Variants in PTPN11 observed in about 807,000 individuals in gnomAD.
The protein encoded by PTPN11 is tyrosine-protein phosphatase non-receptor type 11.
In PTPN11, 6 loss-of-function variants were observed where a neutral mutation model predicts 78.8. The observed-to-expected ratio is 0.08, with a 90% CI of 0.04 to 0.15. The LOEUF (loss-of-function observed/expected upper bound fraction) is 0.15, where lower values mean the gene tolerates loss of function less well. Among genes scored for constraint, PTPN11 ranks in the 10% least tolerant of loss-of-function variants. PTPN11 has a pLI of 1.00. For missense variants in PTPN11, 386 were observed against 744.8 expected (o/e 0.52, Z 5.61); for synonymous variants, 221 against 263.5 (o/e 0.84, Z 1.56).
intron 14 of PTPN11, among the ~76,000 whole-genome samples, chr12:112,503,795 T>A (rs1281786989): frequency 1.3e-5 from 2 of 152,132 alleles, no homozygotes; most frequent in Non-Finnish European, 2.9e-5. Context: ...AGATCCAGGA[T>A]ACACTGGTCC....
chr12:112,455,177 A>T (rs983864901), intron 5 of PTPN11, among the ~76,000 whole-genome samples: 19 of 150,976 alleles, frequency 1.3e-4, no homozygotes, highest in Middle Eastern at 3.4e-3. Context: ...ACTTGGAAAC[A>T]TATTCCAGAT....
intron 15 of PTPN11, among the ~76,000 whole-genome samples, 169 bp from the exon 16 acceptor site, chr12:112,505,656 C>CAAAA (rs1191524369): frequency 5.4e-5 from 2 of 36,734 alleles, no homozygotes; most frequent in Non-Finnish European, 1.3e-4. Context: ...AACTCCATCT[C>CAAAA]AAAAAAAAAA....
Position 112,467,395 on chromosome 12 carries a change from G to A in PTPN11, c.757-5549G>A, listed in dbSNP as rs1019717190. ...GGCTCCAGCATCTGCTTCTGGTGAGGGCCTCAGGAAGCTTCCGGTCATAGT... is the reference window on the plus strand; with the variant it reads ...GGCTCCAGCATCTGCTTCTGGTGAGAGCCTCAGGAAGCTTCCGGTCATAGT... On this transcript the variant is annotated intron_variant, in intron 6 of 15. Coordinates refer to ENST00000351677, the MANE Select transcript of PTPN11 (RefSeq NM_002834.5). 3.3e-5 allele frequency among the ~76,000 whole-genome samples: 5 copies of A among 152,194 alleles called. No individual in the cohort carries two copies. In the South Asian group the frequency reaches 8.3e-4, roughly 25 times the overall value.
chr12:112,497,552 A>G (rs1220056933), intron 13 of PTPN11, among the ~76,000 whole-genome samples: 5 of 152,320 alleles, frequency 3.3e-5, no homozygotes, highest in Admixed American at 1.3e-4. Flanking sequence ...CCTTGGTCCA[A>G]TGAAAAGGTT....
At chr12:112,425,488 T>G (rs1432728094) in intron 1 of PTPN11, among the ~76,000 whole-genome samples, 1 of 152,160 alleles carries the variant, frequency 6.6e-6, no homozygotes, top group Non-Finnish European at 1.5e-5. Context: ...ATATAATAAT[T>G]TTTCTGGAGT....
chr12:112,505,265 C>T (rs2038919412), intron 15 of PTPN11, among the ~76,000 whole-genome samples: 1 of 152,204 alleles, frequency 6.6e-6, no homozygotes, highest in African/African-American at 2.4e-5. Context: ...GGGTCACCGA[C>T]ATCCCTTCCA....
At chr12:112,464,956 G>T (rs1367788804) in intron 6 of PTPN11, among the ~76,000 whole-genome samples, 1 of 152,188 alleles carries the variant, frequency 6.6e-6, no homozygotes, top group Non-Finnish European at 1.5e-5. Flanking sequence ...AGAATGTAAA[G>T]AGATGGATAA....
intron 6 of PTPN11, among the ~76,000 whole-genome samples, chr12:112,461,969 A>G (rs568008056): frequency 1.2e-4 from 19 of 152,334 alleles, no homozygotes; most frequent in Admixed American, 3.3e-4. Flanking sequence ...ACACACAACA[A>G]TCTTAGAATA....
At chr12:112,467,640 G>A (rs994239741) in intron 6 of PTPN11, among the ~76,000 whole-genome samples, 9 of 152,172 alleles carry the variant, frequency 5.9e-5, no homozygotes, top group South Asian at 2.1e-4. Context: ...GACTACAGGC[G>A]CGCATCACAA....
intron 1 of PTPN11, among the ~76,000 whole-genome samples, chr12:112,432,327 G>A (rs2037725675): frequency 6.6e-6 from 1 of 152,132 alleles, no homozygotes; most frequent in African/African-American, 2.4e-5. Context: ...GCCACATAAT[G>A]ATGGTTCAGT....
chr12:112,433,943 G>A (rs1372202833), intron 1 of PTPN11, among the ~76,000 whole-genome samples: 1 of 152,102 alleles, frequency 6.6e-6, no homozygotes, highest in Non-Finnish European at 1.5e-5. Context: ...GGGAGATAGA[G>A]TGGGACCCTA....
At chr12:112,422,308 A>G (rs1194688409) in intron 1 of PTPN11, among the ~76,000 whole-genome samples, 1 of 152,216 alleles carries the variant, frequency 6.6e-6, no homozygotes, top group Non-Finnish European at 1.5e-5. Context: ...TCTCAGCATC[A>G]TAGGTAGGAA....
chr12:112,453,435 T>C (rs1222527453), intron 4 of PTPN11, 48 bp downstream of exon 4: 1 of 1,511,346 alleles, frequency 6.6e-7, no homozygotes, highest in Admixed American at 1.7e-5. Context: ...TACCTTTGGG[T>C]GATTTTTCTG....
chr12:112,464,883 C>G (rs2038302608), intron 6 of PTPN11, among the ~76,000 whole-genome samples: 1 of 152,166 alleles, frequency 6.6e-6, no homozygotes, highest in African/African-American at 2.4e-5. Flanking sequence ...ACCACTGTGT[C>G]CAACAGATTG....
At chr12:112,505,565 T>G (rs1328563199) in intron 15 of PTPN11, among the ~76,000 whole-genome samples, 1 of 145,900 alleles carries the variant, frequency 6.9e-6, no homozygotes, top group Non-Finnish European at 1.5e-5. Flanking sequence ...TCCCAGCTAC[T>G]CAGGAGGCTG....
chr12:112,484,956 T>TC (rs2038651559), intron 10 of PTPN11, among the ~76,000 whole-genome samples: 1 of 151,656 alleles, frequency 6.6e-6, no homozygotes, highest in Non-Finnish European at 1.5e-5. Flanking sequence ...TCCTTTTACA[T>TC]CCCTTTTAAA....
At chr12:112,424,891 A>ATG (rs1223840459) in intron 1 of PTPN11, among the ~76,000 whole-genome samples, 9,755 of 79,826 alleles carry the variant, frequency 0.12, 388 homozygotes, top group African/African-American at 0.15. Context: ...GTGTGTGTGT[A>ATG]TGTGTGTGTG....
chr12:112,457,184 G>A (rs2038175800), intron 6 of PTPN11: 1 of 353,046 alleles, frequency 2.8e-6, no homozygotes, highest in Non-Finnish European at 5.6e-6. Flanking sequence ...TGAGGCAGGT[G>A]GACCACTTGA....
intron 2 of PTPN11, among the ~76,000 whole-genome samples, chr12:112,447,369 G>T (rs879514457): frequency 6.6e-6 from 1 of 152,028 alleles, no homozygotes; most frequent in Non-Finnish European, 1.5e-5. Context: ...TAGTTGTACT[G>T]CACTTGTACT....
Sources: gnomAD v4.1 joint callset for allele counts (sites outside exome capture counted in the v4.1 genomes callset) on GRCh38, gnomAD v4.1.1 for gene constraint, MANE v1.5 for transcripts, NCBI Gene and HGNC (gene_info 2026-07-23, HGNC 2026-07-21) for gene names.